Variants in UNC13C observed in about 807,000 individuals in gnomAD.
UNC13C encodes the protein unc-13 homolog C.
UNC13C carries 174 observed loss-of-function variants against 245.4 expected under a neutral mutation model. That is an observed-to-expected ratio of 0.71 (90% CI 0.63 to 0.80). The LOEUF is 0.80. Among genes scored for constraint, UNC13C ranks in the 30% least tolerant of loss-of-function variants. The pLI is 0.00. For synonymous variants in UNC13C, 992 were observed against 895.1 expected (o/e 1.11, Z -1.93); for missense variants, 2,829 against 2,602.9 (o/e 1.09, Z -1.89).
At chr15:54,500,511 TC>T (rs1236426007) in intron 21 of UNC13C, among the ~76,000 whole-genome samples, 1 of 152,016 alleles carries the variant, frequency 6.6e-6, no homozygotes, top group Non-Finnish European at 1.5e-5. Flanking sequence ...ATTCTCCCAG[TC>T]CCTGTGAAGC....
the UNC13C span, among the ~76,000 whole-genome samples, chr15:53,841,212 A>G: frequency 6.6e-6 from 1 of 152,164 alleles, no homozygotes; most frequent in South Asian, 2.1e-4. Flanking sequence ...AGATTAAAAC[A>G]TATCAAGAGA....
chr15:54,113,800 TG>T (rs1203011308), intron 2 of UNC13C, among the ~76,000 whole-genome samples: 2 of 152,190 alleles, frequency 1.3e-5, no homozygotes, highest in Non-Finnish European at 2.9e-5. Flanking sequence ...CACTCCAGCC[TG>T]GGCAACAGAG....
chr15:54,099,113 A>C (rs1864416), intron 2 of UNC13C, among the ~76,000 whole-genome samples: 1 of 152,074 alleles, frequency 6.6e-6, no homozygotes, highest in African/African-American at 2.4e-5. Context: ...TTGATGAGCT[A>C]GTAAAGTTCT....
the UNC13C span, among the ~76,000 whole-genome samples, chr15:53,840,774 A>G: frequency 6.6e-6 from 1 of 152,166 alleles, no homozygotes; most frequent in East Asian, 1.9e-4. Context: ...AGATGTAAAT[A>G]AGCAGGATTC....
chr15:54,187,184 T>C (rs2034020593), intron 4 of UNC13C, among the ~76,000 whole-genome samples: 1 of 152,108 alleles, frequency 6.6e-6, no homozygotes, highest in South Asian at 2.1e-4. Context: ...ATCAAAATTA[T>C]AATGTTTAAT....
the UNC13C span, among the ~76,000 whole-genome samples, chr15:53,873,559 A>T: frequency 1.3e-5 from 2 of 152,068 alleles, no homozygotes; most frequent in Admixed American, 6.6e-5. Context: ...CAGCTCAAAG[A>T]GGCTCAGAAG....
chr15:54,051,126 A>G (rs775829344), intron 2 of UNC13C, among the ~76,000 whole-genome samples: 5 of 152,212 alleles, frequency 3.3e-5, no homozygotes, highest in Non-Finnish European at 5.9e-5. Flanking sequence ...TCATTTTTAT[A>G]GAGCCACATT....
chr15:53,934,655 A>G, the UNC13C span, among the ~76,000 whole-genome samples: 2 of 152,200 alleles, frequency 1.3e-5, no homozygotes, highest in African/African-American at 4.8e-5. Flanking sequence ...GCTATATCAG[A>G]ATACCATAGA....
chr15:54,375,724 A>C (rs2140890313), intron 17 of UNC13C, among the ~76,000 whole-genome samples: 1 of 152,290 alleles, frequency 6.6e-6, no homozygotes, highest in South Asian at 2.1e-4. Flanking sequence ...CATGGAAATT[A>C]ATTCTGCCAA....
At chr15:54,205,346 G>A (rs1163911923) in intron 4 of UNC13C, among the ~76,000 whole-genome samples, 1 of 151,878 alleles carries the variant, frequency 6.6e-6, no homozygotes, top group Non-Finnish European at 1.5e-5. Flanking sequence ...TTTTCTTTCT[G>A]TGCTATCCTA....
At chr15:54,139,642 A>G (rs2031917138) in intron 2 of UNC13C, among the ~76,000 whole-genome samples, 1 of 152,168 alleles carries the variant, frequency 6.6e-6, no homozygotes, top group African/African-American at 2.4e-5. Flanking sequence ...TAAAATCAGT[A>G]TCTTTAATCT....
At chr15:54,117,913 C>G (rs548911443) in intron 2 of UNC13C, among the ~76,000 whole-genome samples, 7 of 152,010 alleles carry the variant, frequency 4.6e-5, no homozygotes, top group African/African-American at 1.4e-4. Flanking sequence ...TGTCTTTTCC[C>G]TATTATATGT....
chr15:54,280,676 A>ATATATGTATG (rs1483965243), intron 10 of UNC13C, among the ~76,000 whole-genome samples: 71 of 87,522 alleles, frequency 8.1e-4, no homozygotes, highest in African/African-American at 1.8e-3. Flanking sequence ...ATACATATAC[A>ATATATGTATG]TATATACATA....
chr15:54,432,577 A>G (rs1384414757), intron 19 of UNC13C, among the ~76,000 whole-genome samples: 1 of 152,044 alleles, frequency 6.6e-6, no homozygotes, highest in Admixed American at 6.6e-5. Context: ...ACGTACCAGA[A>G]TCTCTGGGAC....
At chr15:53,898,186 G>GACC in the UNC13C span, among the ~76,000 whole-genome samples, 1 of 88,530 alleles carries the variant, frequency 1.1e-5, no homozygotes, top group Non-Finnish European at 2.3e-5. Context: ...CAGAGATAAT[G>GACC]ACCACCACAA....
At chr15:54,623,736 A>T (rs1443404144) in intron 31 of UNC13C, 59 bp from the exon 32 acceptor site, 1 of 1,514,724 alleles carries the variant, frequency 6.6e-7, no homozygotes, top group Non-Finnish European at 9.0e-7. Context: ...CACTTTTAAA[A>T]TTTCACTCTA....
chr15:53,865,228 T>C, the UNC13C span, among the ~76,000 whole-genome samples: 1 of 152,194 alleles, frequency 6.6e-6, no homozygotes, highest in African/African-American at 2.4e-5. Context: ...TTGGCCTCAG[T>C]CATAAAGCTG....
At chr15:54,368,960 A>G (rs78876797) in intron 17 of UNC13C, among the ~76,000 whole-genome samples, 1,591 of 152,240 alleles carry the variant, frequency 0.01, 25 homozygotes, top group African/African-American at 0.037. Context: ...ATGTTAAACA[A>G]TTGTAGATTA....
At chr15:54,405,001 G>T (rs913739924) in intron 18 of UNC13C, among the ~76,000 whole-genome samples, 1 of 152,036 alleles carries the variant, frequency 6.6e-6, no homozygotes, top group Non-Finnish European at 1.5e-5. Context: ...TTATTTTTAT[G>T]TTAGAAATCA....
Sources: allele counts gnomAD v4.1 joint callset (sites outside exome capture counted in the v4.1 genomes callset), GRCh38; gene constraint gnomAD v4.1.1; transcripts MANE v1.5; gene names NCBI Gene and HGNC (gene_info 2026-07-23, HGNC 2026-07-21).